The following TUSC3 variants were observed in gnomAD, a reference collection of about 807,000 sequenced individuals.
The protein encoded by TUSC3 is tumor suppressor candidate 3.
Under a neutral mutation model 44.8 loss-of-function variants are expected in TUSC3, and 45 were observed. That is an observed-to-expected ratio of 1.00 (90% CI 0.79 to 1.29). The LOEUF is 1.29. Ranked by LOEUF, TUSC3 falls within the 50% of genes most tolerant of loss-of-function variation. The probability of loss-of-function intolerance (pLI) is 0.00; values close to 1 mark genes in which losing one functional copy is unlikely to be tolerated. For synonymous variants in TUSC3, 212 were observed against 152.9 expected (o/e 1.39, Z -2.85); for missense variants, 519 against 437.9 (o/e 1.19, Z -1.65).
the TUSC3 span, among the ~76,000 whole-genome samples, chr8:15,837,133 T>C: frequency 1.3e-5 from 2 of 152,188 alleles, no homozygotes; most frequent in African/African-American, 2.4e-5. Flanking sequence ...GTGTATGCTG[T>C]AGTGGATAAA....
intron 1 of TUSC3, among the ~76,000 whole-genome samples, chr8:15,615,008 G>C (rs377623769): frequency 6.7e-6 from 1 of 149,858 alleles, no homozygotes; most frequent in Non-Finnish European, 1.5e-5. Context: ...TACACTCATC[G>C]TGGGAATGTG....
chr8:15,540,238 C>T (rs1214640901), upstream of TUSC3: 6 of 797,116 alleles, frequency 7.5e-6, no homozygotes, highest in Non-Finnish European at 1.1e-5. Flanking sequence ...TCCAGGTCTT[C>T]TCCCGGTGAA....
chr8:15,552,260 G>C (rs1434975681), intron 1 of TUSC3, among the ~76,000 whole-genome samples: 2 of 151,732 alleles, frequency 1.3e-5, no homozygotes, highest in Non-Finnish European at 1.5e-5. Flanking sequence ...AGTTATTGAA[G>C]TTTCTCCAAT....
the TUSC3 span, among the ~76,000 whole-genome samples, chr8:15,780,526 C>T: frequency 5.3e-5 from 8 of 152,172 alleles, no homozygotes; most frequent in Admixed American, 6.5e-5. Context: ...GCAGAGAAAA[C>T]TCAAATATTC....
chr8:15,538,219 C>T (rs1232173203), upstream of TUSC3, among the ~76,000 whole-genome samples: 1 of 152,146 alleles, frequency 6.6e-6, no homozygotes, highest in South Asian at 2.1e-4. Context: ...AGGTAATTTC[C>T]TTACTTTGTT....
chr8:15,745,757 G>T (rs1485532522), intron 8 of TUSC3, among the ~76,000 whole-genome samples: 1 of 151,580 alleles, frequency 6.6e-6, no homozygotes, highest in African/African-American at 2.4e-5. Flanking sequence ...TGTTTACTCT[G>T]TCTTGTTGTT....
At chr8:15,761,605 A>T (rs1006952043) in intron 10 of TUSC3, among the ~76,000 whole-genome samples, 3 of 152,216 alleles carry the variant, frequency 2.0e-5, no homozygotes, top group Non-Finnish European at 4.4e-5. Flanking sequence ...TGCTATGCAC[A>T]TGCAGACTAC....
At chr8:15,576,208 T>C (rs899901455) in intron 1 of TUSC3, among the ~76,000 whole-genome samples, 1 of 150,576 alleles carries the variant, frequency 6.6e-6, no homozygotes, top group African/African-American at 2.4e-5. Flanking sequence ...GTTGATGAAC[T>C]GGTTTTCTTT....
the TUSC3 span, among the ~76,000 whole-genome samples, chr8:15,785,145 G>C: frequency 6.6e-6 from 1 of 151,882 alleles, no homozygotes; most frequent in African/African-American, 2.4e-5. Context: ...TTGGGTGATG[G>C]GTACACTAAA....
At chr8:15,742,380 C>T (rs923896627) in intron 7 of TUSC3, among the ~76,000 whole-genome samples, 1 of 152,096 alleles carries the variant, frequency 6.6e-6, no homozygotes, top group African/African-American at 2.4e-5. Context: ...AAATGCCTTA[C>T]TAGAGAAGTC....
chr8:15,809,835 C>G, the TUSC3 span, among the ~76,000 whole-genome samples: 2 of 152,162 alleles, frequency 1.3e-5, no homozygotes, highest in Admixed American at 6.5e-5. Flanking sequence ...TTGGCAATGC[C>G]AGACTTCTCC....
chr8:15,522,575 C>T (rs1459303757), intron 2 of TUSC3, among the ~76,000 whole-genome samples: 2 of 150,942 alleles, frequency 1.3e-5, no homozygotes, highest in Non-Finnish European at 2.9e-5. Context: ...ACAGTAGTCA[C>T]GATCCACTCC....
chr8:15,722,831 T>TAA lies in TUSC3; in HGVS notation c.799-7827_799-7826dup, dbSNP rs35213330. 2.3e-4 allele frequency among the ~76,000 whole-genome samples: 35 copies of TAA among 151,032 alleles called. 1 individual carries two copies. Among genetic ancestry groups the TAA allele is most frequent in the Middle Eastern group, 3.4e-3 (1 of 294 alleles). ...TTTGTTATTAAAAAAACTGTTTAAATAAAAAAAAACCCTTCTTACTTGTGA... is the reference window on the plus strand; with the variant it reads ...TTTGTTATTAAAAAAACTGTTTAAATAAAAAAAAAAACCCTTCTTACTTGTGA... On this transcript the variant is annotated intron_variant, in intron 6 of 10. Coordinates refer to ENST00000503731, the MANE Select transcript of TUSC3 (RefSeq NM_006765.4).
intron 7 of TUSC3, among the ~76,000 whole-genome samples, chr8:15,738,234 T>C (rs1811018826): frequency 6.6e-6 from 1 of 152,354 alleles, no homozygotes; most frequent in East Asian, 1.9e-4. Flanking sequence ...ATATAACCTA[T>C]GTCTAGTAAT....
At chr8:15,673,980 C>T in intron 6 of TUSC3, 144 bp downstream of exon 6, 2 of 680,396 alleles carry the variant, frequency 2.9e-6, no homozygotes, top group East Asian at 5.5e-5. Flanking sequence ...CCTGTGTCAC[C>T]TATATACACA....
intron 1 of TUSC3, among the ~76,000 whole-genome samples, chr8:15,452,364 G>A (rs889885206): frequency 6.6e-6 from 1 of 152,092 alleles, no homozygotes; most frequent in African/African-American, 2.4e-5. Flanking sequence ...AAATTAAATA[G>A]CAAAAGATCA....
At chr8:15,777,066 C>A in the TUSC3 span, among the ~76,000 whole-genome samples, 9 of 152,128 alleles carry the variant, frequency 5.9e-5, no homozygotes, top group East Asian at 1.7e-3. Context: ...TTAAGTCTTA[C>A]AAGGTTCTTT....
intron 6 of TUSC3, among the ~76,000 whole-genome samples, chr8:15,716,131 C>G (rs1427781256): frequency 6.6e-6 from 1 of 152,060 alleles, no homozygotes; most frequent in African/African-American, 2.4e-5. Context: ...TGGTACACAT[C>G]TGTAGTCCCA....
At chr8:15,826,768 A>G in the TUSC3 span, among the ~76,000 whole-genome samples, 2 of 151,732 alleles carry the variant, frequency 1.3e-5, no homozygotes, top group South Asian at 4.2e-4. Context: ...GGGAAAAAAA[A>G]GAGAACTCTT....
Sources: allele counts gnomAD v4.1 joint callset (sites outside exome capture counted in the v4.1 genomes callset), GRCh38; gene constraint gnomAD v4.1.1; transcripts MANE v1.5; gene names NCBI Gene and HGNC (gene_info 2026-07-23, HGNC 2026-07-21).